Variants in FAM177A1 observed in about 807,000 individuals in gnomAD.
FAM177A1 encodes protein FAM177A1.
FAM177A1 carries 22 observed loss-of-function variants against 26.1 expected under a neutral mutation model. That is an observed-to-expected ratio of 0.84 (90% CI 0.60 to 1.20). The LOEUF (loss-of-function observed/expected upper bound fraction) is 1.20. Among genes scored for constraint, FAM177A1 ranks in the 50% most tolerant of loss-of-function variants. The pLI, the probability that FAM177A1 is intolerant of heterozygous loss-of-function variation, is 0.00. For missense variants in FAM177A1, 296 were observed against 291.1 expected, an observed-to-expected ratio of 1.02 and a Z score of -0.12; for synonymous variants, 95 against 99.3, an observed-to-expected ratio of 0.96 and a Z score of 0.26.
intron 2 of FAM177A1, among the ~76,000 whole-genome samples, chr14:35,071,511 T>A (rs1225247065): frequency 6.6e-6 from 1 of 152,154 alleles, no homozygotes; most frequent in Non-Finnish European, 1.5e-5. Context: ...ACTGGGATAG[T>A]CTAGGTGGTG....
At chr14:35,074,952 A>T (rs956830345) in intron 2 of FAM177A1, among the ~76,000 whole-genome samples, 9 of 152,074 alleles carry the variant, frequency 5.9e-5, no homozygotes, top group African/African-American at 2.2e-4. Context: ...CACAAGAGTC[A>T]CTTGAACCCA....
intron 1 of FAM177A1, chr14:35,046,920 C>G (rs1566664666): frequency 7.5e-6 from 9 of 1,201,338 alleles, no homozygotes. Flanking sequence ...AAGGCGTGTC[C>G]CCCAAAGGCT....
intron 3 of FAM177A1, 92 bp downstream of exon 3, chr14:35,077,308 GA>G (rs2045411557): frequency 1.7e-6 from 2 of 1,143,324 alleles, no homozygotes; most frequent in South Asian, 2.5e-5. Context: ...AACTGAAGGA[GA>G]AACAATAGGG....
rs1342805777 is a variant in FAM177A1, at chr14:35,046,567, G to T, written c.104G>T (p.Gly35Val). The T allele has an allele frequency of 6.3e-7, 1 of 1,583,054 alleles. No individual in the cohort carries two copies. The highest frequency in any genetic ancestry group is 8.6e-7 in the Non-Finnish European group (1 of 1,166,958). ...GAGCCAGTGGGCGGTGTGGAACGAG[G>T]AGAAGCCGTCGCAGCCTCGGGAGCT... ...DQEPVGGVER[G>V]EAVAASGAAA... The change falls in exon 1 of 5, where the codon GGA (glycine) becomes GTA (valine). Residue 35 changes from glycine (G) to valine (V), a missense_variant. Physicochemically the swap from Gly to Val is moderately radical, Grantham distance 109. Transcript: ENST00000280987.
At chr14:35,064,541 A>ACAG (rs2045210010) in intron 2 of FAM177A1, among the ~76,000 whole-genome samples, 1 of 152,086 alleles carries the variant, frequency 6.6e-6, no homozygotes, top group African/African-American at 2.4e-5. Context: ...AAAACCTAAT[A>ACAG]AAGTTAATGA....
At chr14:35,071,956 T>C (rs1199216112) in intron 2 of FAM177A1, among the ~76,000 whole-genome samples, 2 of 152,208 alleles carry the variant, frequency 1.3e-5, no homozygotes, top group African/African-American at 4.8e-5. Flanking sequence ...TTATATGCTC[T>C]ATTCTTACAA....
intron 2 of FAM177A1, among the ~76,000 whole-genome samples, chr14:35,062,906 A>G (rs1348816826): frequency 6.8e-6 from 1 of 147,596 alleles, no homozygotes. Context: ...TACTTAAGGT[A>G]ATTTTAGAAC....
intron 1 of FAM177A1, chr14:35,047,128 G>T (rs760892095): frequency 5.0e-5 from 23 of 458,730 alleles, no homozygotes; most frequent in Admixed American, 1.3e-4. Flanking sequence ...CTAAGGCTCC[G>T]AGCTGCGCTG....
intron 2 of FAM177A1, among the ~76,000 whole-genome samples, chr14:35,055,916 A>G (rs537629884): frequency 1.3e-5 from 2 of 152,242 alleles, no homozygotes; most frequent in East Asian, 3.9e-4. Context: ...ACCCTAGTGA[A>G]TATGTTATTT....
rs1460558642 is a variant in FAM177A1 at position 35,082,609 on chromosome 14, T to C, written c.*1381T>C. 1 of 152,124 alleles carries C rather than the reference T, an allele frequency of 6.6e-6. No individual in the cohort carries two copies. The highest frequency in any genetic ancestry group is 1.5e-5 in the Non-Finnish European group (1 of 68,018). The allele number at this position is 152,124 out of a possible 1,614,324, so 9.4% of individuals were successfully genotyped here. A position where few individuals can be genotyped will look rare whatever the true frequency, so the allele number is the denominator to read the frequency against. On this transcript the variant is annotated 3_prime_UTR_variant, in exon 5 of 5. Coordinates refer to ENST00000280987, the MANE Select transcript of FAM177A1 (RefSeq NM_173607.5). Reference sequence around the variant, plus strand: ...TATAGAACCTTTTATCAGTATAACATTGATTTATAATTAAATGTGGGTGAG... The same window carrying C: ...TATAGAACCTTTTATCAGTATAACACTGATTTATAATTAAATGTGGGTGAG...
chr14:35,047,261 CA>C (rs2044882980), intron 1 of FAM177A1, among the ~76,000 whole-genome samples: 1 of 152,218 alleles, frequency 6.6e-6, no homozygotes, highest in Admixed American at 6.5e-5. Flanking sequence ...CCTAATTTAT[CA>C]AAACAATTTC....
chr14:35,073,121 A>C (rs2045348114), intron 2 of FAM177A1, among the ~76,000 whole-genome samples: 1 of 151,994 alleles, frequency 6.6e-6, no homozygotes, highest in African/African-American at 2.4e-5. Flanking sequence ...CCCAGGCTGG[A>C]GTGCAGTGGC....
At chr14:35,052,249 C>CTT (rs1299449498) in intron 1 of FAM177A1, among the ~76,000 whole-genome samples, 1 of 147,064 alleles carries the variant, frequency 6.8e-6, no homozygotes. Flanking sequence ...AGGCAGTTTT[C>CTT]TTTTTTTTTT....
intron 2 of FAM177A1, among the ~76,000 whole-genome samples, chr14:35,056,430 A>G (rs1348257404): frequency 1.3e-5 from 2 of 151,980 alleles, no homozygotes; most frequent in African/African-American, 4.8e-5. Context: ...ATCTTGGCTT[A>G]CTGCAACCTC....
rs1595032203 is a variant in FAM177A1 at position 35,046,634 on chromosome 14, T to C, written c.165+6T>C. ...TCGGGGAATCTGCAGGGCAGGTAGG[T>C]GGGGCCGCCGAGGCTGACGTCCGGG... On this transcript the variant is annotated splice_donor_region_variant and intron_variant, in intron 1 of 4. Transcript: ENST00000280987. The C allele has an allele frequency of 2.0e-6, 3 of 1,528,242 alleles. No homozygotes were observed. The highest frequency in any genetic ancestry group is 2.6e-6 in the Non-Finnish European group (3 of 1,134,816). 94.7% of individuals were successfully genotyped at this position (1,528,242 alleles called of 1,614,324 possible).
chr14:35,046,894 T>G, intron 1 of FAM177A1: 1 of 1,256,752 alleles, frequency 8.0e-7, no homozygotes, highest in Non-Finnish European at 1.0e-6. Context: ...GCTTCTGGTC[T>G]ACCAGAGGAA....
At chr14:35,063,794 CT>C (rs1456802375) in intron 2 of FAM177A1, among the ~76,000 whole-genome samples, 3 of 151,838 alleles carry the variant, frequency 2.0e-5, no homozygotes, top group Admixed American at 6.6e-5. Context: ...AATCCCAGCA[CT>C]TTGGGAGGCT....
At chr14:35,051,104 T>C (rs2044961013) in intron 1 of FAM177A1, among the ~76,000 whole-genome samples, 1 of 152,192 alleles carries the variant, frequency 6.6e-6, no homozygotes, top group Non-Finnish European at 1.5e-5. Flanking sequence ...TACCAAATTT[T>C]ATTTTTTAAG....
At chr14:35,067,800 A>G (rs1024910514) in intron 2 of FAM177A1, among the ~76,000 whole-genome samples, 8 of 152,118 alleles carry the variant, frequency 5.3e-5, no homozygotes, top group African/African-American at 1.7e-4. Context: ...ATTTTTTCAT[A>G]TATCTGTTGA....
Sources: gnomAD v4.1 joint callset for allele counts (sites outside exome capture counted in the v4.1 genomes callset) on GRCh38, gnomAD v4.1.1 for gene constraint, MANE v1.5 for transcripts, NCBI Gene and HGNC (gene_info 2026-07-23, HGNC 2026-07-21) for gene names.